The following LYZL1 variants were observed in gnomAD, a reference collection of about 807,000 sequenced individuals.
The protein encoded by LYZL1 is lysozyme like 1.
LYZL1 carries 16 observed loss-of-function variants against 17.9 expected under a neutral mutation model. That is an observed-to-expected ratio of 0.90 (90% confidence interval 0.61 to 1.36). The LOEUF (loss-of-function observed/expected upper bound fraction) is 1.36. LYZL1 is among the 40% of genes most tolerant of loss of function. The pLI is 0.00. For missense variants in LYZL1, 149 were observed against 188.4 expected (o/e 0.79, Z 1.22); for synonymous variants, 58 against 71.8 (o/e 0.81, Z 0.97).
chr10:29,297,222 C>CA (rs1196873163), intron 3 of LYZL1, among the ~76,000 whole-genome samples: 2 of 150,958 alleles, frequency 1.3e-5, no homozygotes, highest in Non-Finnish European at 2.9e-5. Context: ...TCTCTAAAAG[C>CA]AGAGTGAAAA....
At chr10:29,296,354 A>G (rs61418952) in intron 3 of LYZL1, among the ~76,000 whole-genome samples, 3,851 of 152,242 alleles carry the variant, frequency 0.025, 160 homozygotes, top group African/African-American at 0.088. Flanking sequence ...ACCAACAACA[A>G]CAACAACAAC....
At chr10:29,313,872 C>T (rs1471042355), downstream of LYZL1, among the ~76,000 whole-genome samples, 3 of 152,174 alleles carry the variant, frequency 2.0e-5, 1 homozygote, top group Admixed American at 2.0e-4. Flanking sequence ...ACTGAGCAGA[C>T]CATTGGGTAT....
At chr10:29,295,787 C>T (rs1431095415) in intron 3 of LYZL1, among the ~76,000 whole-genome samples, 1 of 152,136 alleles carries the variant, frequency 6.6e-6, no homozygotes, top group African/African-American at 2.4e-5. Flanking sequence ...AGGGACTTCA[C>T]CCATCATTGC....
At chr10:29,308,425 C>G (rs1424123238) in intron 3 of LYZL1, among the ~76,000 whole-genome samples, 1 of 152,208 alleles carries the variant, frequency 6.6e-6, no homozygotes. Flanking sequence ...GCTTCCTCCA[C>G]CCCATTCCTT....
At chr10:29,292,818 C>T (rs1417489912) in intron 3 of LYZL1, 141 bp downstream of exon 3, 7 of 1,259,888 alleles carry the variant, frequency 5.6e-6, no homozygotes, top group Non-Finnish European at 7.6e-6. Flanking sequence ...GTAAATTATG[C>T]AACAGTTTCC....
At chr10:29,314,596 C>T (rs1394725164), downstream of LYZL1, among the ~76,000 whole-genome samples, 2 of 151,924 alleles carry the variant, frequency 1.3e-5, no homozygotes, top group Non-Finnish European at 2.9e-5. Flanking sequence ...CCTGGATGAC[C>T]GAGTGAGGCC....
chr10:29,290,063 T>C (rs2248058), intron 1 of LYZL1, among the ~76,000 whole-genome samples: 92,544 of 151,930 alleles, frequency 0.61, 28,854 homozygotes, highest in East Asian at 0.82. Flanking sequence ...GCTTGTTACT[T>C]GGTGCGGTGG....
downstream of LYZL1, among the ~76,000 whole-genome samples, chr10:29,315,605 C>T (rs1835721019): frequency 6.6e-6 from 1 of 152,032 alleles, no homozygotes; most frequent in African/African-American, 2.4e-5. Context: ...GTAATCCTAA[C>T]ACTTTGCCGA....
intron 3 of LYZL1, among the ~76,000 whole-genome samples, chr10:29,299,713 T>A (rs1304346402): frequency 2.0e-5 from 3 of 152,242 alleles, no homozygotes; most frequent in Admixed American, 6.5e-5. Flanking sequence ...TCCAGAAATC[T>A]ACCTTATCTG....
Position 29,292,528 on chromosome 10 carries a change from T to C in LYZL1, c.149T>C (p.Met50Thr). Residue 50 changes from methionine to threonine, a missense_variant, in exon 3 of 5, where the codon ATG becomes ACG. This residue lies in a region of LYZL1 where 130 missense variants were observed against 132.5 expected (regional missense o/e 0.98). Coordinates refer to ENST00000649382, the MANE Select transcript of LYZL1 (RefSeq NM_032517.6). The stretch of plus-strand genomic sequence containing the variant: ...GCTTTCCCCCCTCCAGGGATCTGCA[T>C]GGCATATTATGAGAGCGGCTACAAC... ...WGFSLGNWICMAYYESGYNTT... is the reference protein window; with the variant it reads ...WGFSLGNWICTAYYESGYNTT... 1.2e-6 allele frequency: 2 copies of C among 1,614,076 alleles called. No individual in the cohort carries two copies. Among genetic ancestry groups the C allele is most frequent in the Non-Finnish European group, 8.5e-7 (1 of 1,179,998 alleles).
chr10:29,312,376 G>A (rs1161681730), downstream of LYZL1, among the ~76,000 whole-genome samples: 2 of 150,264 alleles, frequency 1.3e-5, no homozygotes, highest in Non-Finnish European at 2.9e-5. Flanking sequence ...AGCATTATGA[G>A]ATTTTTTTTT....
chr10:29,299,984 T>C (rs1835495671), intron 3 of LYZL1, among the ~76,000 whole-genome samples: 1 of 152,204 alleles, frequency 6.6e-6, no homozygotes, highest in Non-Finnish European at 1.5e-5. Context: ...ATGGTTTTGA[T>C]TGCAACTACT....
In LYZL1 at chr10:29,311,195, T is replaced by C. The variant is rs1835667565; in HGVS notation, c.*136T>C. 6.3e-7 allele frequency: 1 copy of C among 1,589,346 alleles called. No individual in the cohort carries two copies. Among genetic ancestry groups the C allele is most frequent in the Non-Finnish European group, 8.5e-7 (1 of 1,170,462 alleles). On this transcript the variant is annotated 3_prime_UTR_variant, in exon 5 of 5. Coordinates refer to ENST00000649382, the MANE Select transcript of LYZL1 (RefSeq NM_032517.6). ...GGAGAGGGAAAATTAAGCTATACTT[T>C]TAAGAAAATAAATATTTCCATTTAA... is the stretch of plus-strand genomic sequence containing the variant.
chr10:29,289,291 A>G (rs1358512197), intron 1 of LYZL1, 61 bp downstream of exon 1: 3 of 1,113,494 alleles, frequency 2.7e-6, no homozygotes, highest in East Asian at 5.9e-5. Flanking sequence ...GATGTAGAAC[A>G]TGATGCTTGG....
At chr10:29,291,405 C>T (rs1835363031) in intron 1 of LYZL1, among the ~76,000 whole-genome samples, 1 of 151,760 alleles carries the variant, frequency 6.6e-6, no homozygotes, top group South Asian at 2.1e-4. Flanking sequence ...GTCTTGCTGT[C>T]TCGGGGTGGC....
At chr10:29,301,911 C>CT (rs79660669) in intron 3 of LYZL1, among the ~76,000 whole-genome samples, 20 of 149,222 alleles carry the variant, frequency 1.3e-4, no homozygotes, top group South Asian at 6.3e-4. Context: ...TCCACTGTTA[C>CT]TTTTTTTTTT....
At chr10:29,289,714 T>C (rs904341024) in intron 1 of LYZL1, among the ~76,000 whole-genome samples, 2 of 152,196 alleles carry the variant, frequency 1.3e-5, no homozygotes, top group Admixed American at 6.5e-5. Context: ...CCACCATGCC[T>C]GGCCTTAGCT....
intron 3 of LYZL1, among the ~76,000 whole-genome samples, chr10:29,307,259 C>T (rs2132833826): frequency 6.6e-6 from 1 of 152,294 alleles, no homozygotes; most frequent in East Asian, 1.9e-4. Context: ...AAGTTTAGAC[C>T]CTTCCATCAG....
downstream of LYZL1, among the ~76,000 whole-genome samples, chr10:29,313,157 C>T (rs899871200): frequency 1.3e-5 from 2 of 152,156 alleles, no homozygotes; most frequent in Admixed American, 6.5e-5. Flanking sequence ...TACATGTCAT[C>T]CTGGGACAAT....
Sources: allele counts gnomAD v4.1 joint callset (sites outside exome capture counted in the v4.1 genomes callset), GRCh38; gene constraint gnomAD v4.1.1; regional missense constraint gnomAD v4.1.1; transcripts MANE v1.5; gene names NCBI Gene and HGNC (gene_info 2026-07-23, HGNC 2026-07-21).